MACROD2: variants seen among roughly 807,000 people sequenced by gnomAD.
MACROD2 encodes ADP-ribose glycohydrolase MACROD2.
MACROD2 carries 36 observed loss-of-function variants against 70.4 expected under a neutral mutation model. The ratio of observed to expected loss-of-function variants is 0.51; its 90% CI spans 0.39 to 0.68. MACROD2 has a LOEUF of 0.68. Among genes scored for constraint, MACROD2 ranks in the 30% least tolerant of loss-of-function variants. The probability of loss-of-function intolerance (pLI) is 0.00; values close to 1 mark genes in which losing one functional copy is unlikely to be tolerated. For missense variants in MACROD2, 496 were observed against 538.4 expected, an observed-to-expected ratio of 0.92 and a Z score of 0.78; for synonymous variants, 172 against 178.8, an observed-to-expected ratio of 0.96 and a Z score of 0.30.
At chr20:14,963,135 A>G (rs1295784497) in intron 5 of MACROD2, among the ~76,000 whole-genome samples, 2 of 152,152 alleles carry the variant, frequency 1.3e-5, no homozygotes, top group African/African-American at 4.8e-5. Flanking sequence ...AGCACAGTGC[A>G]TTGGGTGTCT....
chr20:15,947,163 A>C (rs2065836045), intron 12 of MACROD2, among the ~76,000 whole-genome samples: 1 of 152,192 alleles, frequency 6.6e-6, no homozygotes, highest in East Asian at 1.9e-4. Flanking sequence ...TCCCAGGGGC[A>C]GGCAGGAGAT....
At chr20:15,737,646 G>A (rs896370281) in intron 8 of MACROD2, among the ~76,000 whole-genome samples, 5 of 152,214 alleles carry the variant, frequency 3.3e-5, no homozygotes, top group African/African-American at 1.2e-4. Context: ...TATGAATATA[G>A]TTCTAAATGT....
At chr20:14,043,716 G>A (rs183528840) in intron 2 of MACROD2, among the ~76,000 whole-genome samples, 1 of 152,192 alleles carries the variant, frequency 6.6e-6, no homozygotes, top group Admixed American at 6.5e-5. Context: ...GTCAGACAAC[G>A]TAGGTCAGAG....
At chr20:15,752,097 C>T (rs912939435) in intron 8 of MACROD2, among the ~76,000 whole-genome samples, 3 of 151,868 alleles carry the variant, frequency 2.0e-5, no homozygotes, top group African/African-American at 4.8e-5. Context: ...ATACTTAATG[C>T]GTACAGAGAT....
rs1012742552 is a variant in MACROD2 at position 14,542,924 on chromosome 20, A to T, written c.301+49416A>T. Among the ~76,000 whole-genome samples the T allele has an allele frequency of 2.1e-5, 3 of 146,194 alleles. No individual in the cohort carries two copies. The East Asian group carries it at 6.3e-4, about 31-fold the overall frequency. On this transcript the variant is annotated intron_variant, in intron 4 of 17. Coordinates refer to ENST00000684519, the MANE Select transcript of MACROD2 (RefSeq NM_001351661.2). ...TTCTAAACTAAATGTACAATTTTAC[A>T]TAATGAATTAATGAAATGGTAAATT...
At chr20:14,810,924 C>T (rs2072702532) in intron 5 of MACROD2, among the ~76,000 whole-genome samples, 1 of 151,962 alleles carries the variant, frequency 6.6e-6, no homozygotes, top group African/African-American at 2.4e-5. Context: ...AACCACTGCT[C>T]AAGGAAATAA....
chr20:15,318,372 G>A (rs2077837364), intron 6 of MACROD2, among the ~76,000 whole-genome samples: 1 of 152,050 alleles, frequency 6.6e-6, no homozygotes, highest in African/African-American at 2.4e-5. Context: ...AGACCAGATG[G>A]TTTTACTGGT....
chr20:15,928,865 A>G (rs1375936109), intron 10 of MACROD2, among the ~76,000 whole-genome samples: 1 of 152,212 alleles, frequency 6.6e-6, no homozygotes. Context: ...TGTACCTTCT[A>G]GAGAATTTTG....
intron 10 of MACROD2, among the ~76,000 whole-genome samples, chr20:15,913,492 G>C (rs925665833): frequency 6.6e-6 from 1 of 152,126 alleles, no homozygotes; most frequent in Non-Finnish European, 1.5e-5. Flanking sequence ...AGAGGTGCCA[G>C]CCCAAAGAAT....
At chr20:15,717,662 TAGG>T (rs2050725214) in intron 8 of MACROD2, among the ~76,000 whole-genome samples, 1 of 151,922 alleles carries the variant, frequency 6.6e-6, no homozygotes, top group Non-Finnish European at 1.5e-5. Flanking sequence ...GGCCAGGAGC[TAGG>T]AGGAGAAAGA....
intron 6 of MACROD2, among the ~76,000 whole-genome samples, chr20:15,341,033 A>G (rs1418944429): frequency 6.6e-6 from 1 of 152,164 alleles, no homozygotes; most frequent in Non-Finnish European, 1.5e-5. Flanking sequence ...GGCTTCTTCT[A>G]TAAATAGCTG....
intron 5 of MACROD2, among the ~76,000 whole-genome samples, chr20:14,715,556 A>G (rs1367169664): frequency 2.6e-5 from 4 of 152,110 alleles, no homozygotes; most frequent in Non-Finnish European, 4.4e-5. Flanking sequence ...TGTGCTTCCA[A>G]CCTAAATGCA....
rs1182071103 is a variant in MACROD2 at position 15,801,197 on chromosome 20, A to C, written c.646-61548A>C. ...CAAGAATGATCAATTAAAAAAAAAA[A>C]AAAAAAACGAAAAACAAAACAAACA... On this transcript the variant is annotated intron_variant, in intron 8 of 17. Coordinates refer to ENST00000684519, the MANE Select transcript of MACROD2 (RefSeq NM_001351661.2). Among the ~76,000 whole-genome samples, 6 of 137,652 alleles carry C rather than the reference A, an allele frequency of 4.4e-5. 1 individual carries two copies. The highest frequency in any genetic ancestry group is 5.0e-4 in the East Asian group (2 of 3,994). The allele number at this position is 137,652 out of a possible 152,430, so 90.3% of individuals were successfully genotyped here. A position where few individuals can be genotyped will look rare whatever the true frequency, so the allele number is the denominator to read the frequency against.
intron 16 of MACROD2, among the ~76,000 whole-genome samples, chr20:16,043,982 C>A (rs764715550): frequency 6.6e-6 from 1 of 152,084 alleles, no homozygotes; most frequent in African/African-American, 2.4e-5. Context: ...AAGAGGCAAT[C>A]CTGCCCTCCC....
At chr20:14,834,754 T>C (rs563359376) in intron 5 of MACROD2, among the ~76,000 whole-genome samples, 2 of 152,098 alleles carry the variant, frequency 1.3e-5, no homozygotes, top group South Asian at 2.1e-4. Context: ...TAGATTTCAG[T>C]GTTATCAGGG....
At chr20:15,636,654 A>G (rs1033579229) in intron 8 of MACROD2, among the ~76,000 whole-genome samples, 1 of 152,160 alleles carries the variant, frequency 6.6e-6, no homozygotes, top group Non-Finnish European at 1.5e-5. Context: ...CCAGTGTAAA[A>G]CAAAAGTGGG....
At chr20:15,062,470 C>T (rs2075540615) in intron 5 of MACROD2, among the ~76,000 whole-genome samples, 1 of 151,900 alleles carries the variant, frequency 6.6e-6, no homozygotes, top group Non-Finnish European at 1.5e-5. Flanking sequence ...CTCCATTTCC[C>T]AGCAGGACTA....
intron 5 of MACROD2, among the ~76,000 whole-genome samples, chr20:15,046,269 C>G (rs1015815105): frequency 9.2e-5 from 14 of 152,006 alleles, no homozygotes; most frequent in African/African-American, 3.4e-4. Flanking sequence ...AAAAATATAT[C>G]TCCGAACCTT....
chr20:15,750,387 C>T (rs1298675338), intron 8 of MACROD2, among the ~76,000 whole-genome samples: 1 of 151,898 alleles, frequency 6.6e-6, no homozygotes, highest in East Asian at 1.9e-4. Flanking sequence ...AAAGGGAACA[C>T]TTACACACTG....
Sources: allele counts gnomAD v4.1 joint callset (sites outside exome capture counted in the v4.1 genomes callset), GRCh38; gene constraint gnomAD v4.1.1; transcripts MANE v1.5; gene names NCBI Gene and HGNC (gene_info 2026-07-23, HGNC 2026-07-21).